The following CPNE3 variants were observed in gnomAD, a reference collection of about 807,000 sequenced individuals.
The protein encoded by CPNE3 is copine-3.
In CPNE3, 68 loss-of-function variants were observed where a neutral mutation model predicts 63.9. The observed-to-expected ratio is 1.06, with a 90% CI of 0.87 to 1.30. The LOEUF (loss-of-function observed/expected upper bound fraction) is 1.30. Among genes scored for constraint, CPNE3 ranks in the 50% most tolerant of loss-of-function variants. The probability of loss-of-function intolerance (pLI) is 0.00; values close to 1 mark genes in which losing one functional copy is unlikely to be tolerated. For missense variants in CPNE3, 665 were observed against 578.1 expected (o/e 1.15, Z -1.54); for synonymous variants, 219 against 197.5 (o/e 1.11, Z -0.91).
chr8:86,534,900 TTG>T lies in CPNE3; in HGVS notation c.459+2326_459+2327del, dbSNP rs200592114. Among the ~76,000 whole-genome samples the T allele has an allele frequency of 7.8e-3, 1,190 of 152,310 alleles. 11 individuals are homozygous for T. The highest frequency in any genetic ancestry group is 0.027 in the African/African-American group (1,109 of 41,566). On this transcript the variant is annotated intron_variant, in intron 6 of 16. Coordinates refer to ENST00000517490, the MANE Select transcript of CPNE3 (RefSeq NM_003909.5). ...AATGTGACCAGTGAAGTTTTTATGT[TTG>T]TGTGTTTTGTTCTGTTTTAGAATTG...
At position 86,556,416 on chromosome 8, in the gene CPNE3, T is replaced by G. The variant is rs2304787; in HGVS notation, c.1491+78T>G. 552,205 of 829,858 alleles carry G rather than the reference T, an allele frequency of 0.67. 191,725 individuals are homozygous for G. Among genetic ancestry groups the G allele is most frequent in the Non-Finnish European group, 0.74 (345,087 of 468,200 alleles). The allele number at this position is 829,858 out of a possible 1,614,324, so 51.4% of individuals were successfully genotyped here. The stretch of plus-strand genomic sequence containing the variant: ...TGCCCATCTACAACCAGGCAGTTGA[T>G]TAGGTGTGCAGGGTTAGAGGATGTG... On this transcript the variant is annotated intron_variant, in intron 16 of 16. Coordinates refer to ENST00000517490, the MANE Select transcript of CPNE3 (RefSeq NM_003909.5).
chr8:86,535,725 C>T (rs1820788466), intron 6 of CPNE3, among the ~76,000 whole-genome samples: 1 of 152,058 alleles, frequency 6.6e-6, no homozygotes, highest in Non-Finnish European at 1.5e-5. Flanking sequence ...CCTCATTTCT[C>T]TTGGTTTTTA....
intron 7 of CPNE3, among the ~76,000 whole-genome samples, chr8:86,538,757 C>T (rs771328664): frequency 3.3e-5 from 5 of 152,144 alleles, no homozygotes; most frequent in African/African-American, 4.8e-5. Context: ...TATGTGTGTT[C>T]CTTTTCTTTA....
At chr8:86,528,060 T>C (rs948464870) in intron 2 of CPNE3, among the ~76,000 whole-genome samples, 16 of 148,494 alleles carry the variant, frequency 1.1e-4, no homozygotes, top group African/African-American at 3.7e-4. Flanking sequence ...GCAATCCTCT[T>C]GCCTCAGCCT....
intron 2 of CPNE3, among the ~76,000 whole-genome samples, chr8:86,515,835 C>G (rs1319178459): frequency 6.6e-6 from 1 of 152,146 alleles, no homozygotes; most frequent in Non-Finnish European, 1.5e-5. Flanking sequence ...TAAGGGTCAG[C>G]AAACTAGCTC....
At chr8:86,523,344 C>G (rs895366174) in intron 2 of CPNE3, among the ~76,000 whole-genome samples, 4 of 152,194 alleles carry the variant, frequency 2.6e-5, no homozygotes, top group Non-Finnish European at 4.4e-5. Context: ...GAATGACACA[C>G]GCTGACTCCA....
intron 5 of CPNE3, among the ~76,000 whole-genome samples, chr8:86,532,283 A>G (rs1297669088): frequency 6.6e-6 from 1 of 152,228 alleles, no homozygotes; most frequent in African/African-American, 2.4e-5. Flanking sequence ...ATTTCAAAAG[A>G]CATTGCTTAA....
At chr8:86,531,351 T>C (rs1202959042) in intron 5 of CPNE3, 122 bp downstream of exon 5, 1 of 674,608 alleles carries the variant, frequency 1.5e-6, no homozygotes, top group Non-Finnish European at 2.7e-6. Context: ...AATGTTGCAT[T>C]CCATCCACCC....
intron 7 of CPNE3, among the ~76,000 whole-genome samples, chr8:86,537,985 T>TCA (rs577185878): frequency 0.16 from 22,713 of 142,420 alleles, 1,697 homozygotes; most frequent in Non-Finnish European, 0.19. Context: ...TCTCTCTCTC[T>TCA]CTCACACACA....
At chr8:86,518,147 T>C (rs1820354924) in intron 2 of CPNE3, among the ~76,000 whole-genome samples, 1 of 152,152 alleles carries the variant, frequency 6.6e-6, no homozygotes, top group Non-Finnish European at 1.5e-5. Flanking sequence ...CGGTGATGAA[T>C]TGTGAAGTGC....
At chr8:86,515,831 T>G (rs1354259547) in intron 2 of CPNE3, among the ~76,000 whole-genome samples, 1 of 152,090 alleles carries the variant, frequency 6.6e-6, no homozygotes, top group Non-Finnish European at 1.5e-5. Flanking sequence ...TTAATAAGGG[T>G]CAGCAAACTA....
chr8:86,520,330 C>A (rs1026662281), intron 2 of CPNE3, among the ~76,000 whole-genome samples: 1 of 151,988 alleles, frequency 6.6e-6, no homozygotes, highest in African/African-American at 2.4e-5. Flanking sequence ...AGATTACAGG[C>A]GGATTACCTG....
chr8:86,551,622 A>G (rs1231725407), intron 14 of CPNE3: 4 of 157,796 alleles, frequency 2.5e-5, no homozygotes, highest in African/African-American at 7.2e-5. Context: ...AATTTGATAT[A>G]CAGATCTTTT....
At chr8:86,535,403 A>G (rs1820781741) in intron 6 of CPNE3, among the ~76,000 whole-genome samples, 1 of 151,790 alleles carries the variant, frequency 6.6e-6, no homozygotes, top group African/African-American at 2.4e-5. Flanking sequence ...GCCGGCCATG[A>G]TGGCTCACGC....
intron 2 of CPNE3, among the ~76,000 whole-genome samples, chr8:86,521,314 C>A (rs566069048): frequency 9.2e-5 from 14 of 152,278 alleles, no homozygotes; most frequent in African/African-American, 3.1e-4. Context: ...ATAAACCATT[C>A]CAGTTCTTCC....
rs574037285 is a variant in CPNE3 at position 86,537,405 on chromosome 8, G to T, written c.460-158G>T. On this transcript the variant is annotated intron_variant, in intron 6 of 16. Transcript: ENST00000517490. Reference sequence around the variant, plus strand: ...AATTCTCCCTAGTAGACTTCCGTAAGTTTCTAAGTTAGGGAGAAAGGTGAT... The same window carrying T: ...AATTCTCCCTAGTAGACTTCCGTAATTTTCTAAGTTAGGGAGAAAGGTGAT... Among the ~76,000 whole-genome samples, 3 of 152,312 alleles carry T rather than the reference G, an allele frequency of 2.0e-5. No homozygotes were observed. In the South Asian group the frequency reaches 6.2e-4, roughly 32 times the overall value.
chr8:86,520,850 G>A (rs1211411849), intron 2 of CPNE3, among the ~76,000 whole-genome samples: 1 of 151,774 alleles, frequency 6.6e-6, no homozygotes, highest in African/African-American at 2.4e-5. Flanking sequence ...ACAGGGTTTT[G>A]CCATGTTGAC....
intron 15 of CPNE3, among the ~76,000 whole-genome samples, chr8:86,555,349 T>G (rs1429120683): frequency 6.6e-6 from 1 of 152,198 alleles, no homozygotes; most frequent in East Asian, 1.9e-4. Flanking sequence ...CTAAAGATAT[T>G]TGAATGAGGT....
chr8:86,515,609 G>A (rs1820280415), intron 2 of CPNE3, 110 bp downstream of exon 2: 1 of 152,196 alleles, frequency 6.6e-6, no homozygotes, highest in Non-Finnish European at 1.5e-5. Context: ...AGATACCTAG[G>A]TTTCAAATCT....
Sources: gnomAD v4.1 joint callset for allele counts (sites outside exome capture counted in the v4.1 genomes callset) on GRCh38, gnomAD v4.1.1 for gene constraint, MANE v1.5 for transcripts, NCBI Gene and HGNC (gene_info 2026-07-23, HGNC 2026-07-21) for gene names.